Variants in SGPP2 observed in about 807,000 individuals in gnomAD.
The protein encoded by SGPP2 is sphingosine-1-phosphate phosphatase 2, also known as sphingosine 1-phosphate phosphohydrolase 2.
Under a neutral mutation model 33.9 loss-of-function variants are expected in SGPP2, and 30 were observed. The ratio of observed to expected loss-of-function variants is 0.89; its 90% CI spans 0.66 to 1.20. SGPP2 has a LOEUF of 1.20. Among genes scored for constraint, SGPP2 ranks in the 50% most tolerant of loss-of-function variants. The pLI is 0.00. For missense variants in SGPP2, 458 were observed against 532.1 expected (o/e 0.86, Z 1.37); for synonymous variants, 233 against 225.0 (o/e 1.04, Z -0.32).
chr2:222,431,095 TA>T (rs1449689308), intron 1 of SGPP2, among the ~76,000 whole-genome samples: 1 of 152,096 alleles, frequency 6.6e-6, no homozygotes, highest in Admixed American at 6.5e-5. Flanking sequence ...ATGTTAATCA[TA>T]GGGGTACCTG....
intron 4 of SGPP2, among the ~76,000 whole-genome samples, chr2:222,532,573 G>A (rs1275639501): frequency 6.6e-6 from 1 of 152,076 alleles, no homozygotes; most frequent in Non-Finnish European, 1.5e-5. Context: ...TGCCTACCAA[G>A]ACACCCAAGC....
At chr2:222,498,720 G>A (rs571775470) in intron 2 of SGPP2, among the ~76,000 whole-genome samples, 3 of 152,260 alleles carry the variant, frequency 2.0e-5, no homozygotes, top group South Asian at 2.1e-4. Context: ...TGCAGGCAGG[G>A]TATAAAGTTG....
chr2:222,427,348 C>T (rs1296090326), intron 1 of SGPP2, among the ~76,000 whole-genome samples: 4 of 152,194 alleles, frequency 2.6e-5, no homozygotes, highest in African/African-American at 9.7e-5. Flanking sequence ...GCATCTTCCA[C>T]ATCCTGGACT....
intron 2 of SGPP2, among the ~76,000 whole-genome samples, chr2:222,519,648 A>AAG (rs563675712): frequency 2.0e-4 from 30 of 152,156 alleles, no homozygotes; most frequent in Non-Finnish European, 4.0e-4. Context: ...AGCATAATAA[A>AAG]CAATAGTTTT....
Position 222,477,103 on chromosome 2 carries a change from A to G in SGPP2, c.378+2377A>G, listed in dbSNP as rs988355417. ...TGTATATATTTGTGAATGTATGTAT[A>G]TAGGTGTGTATATATGTGTATGTGT... On this transcript the variant is annotated intron_variant, in intron 2 of 4. Coordinates refer to ENST00000321276, the MANE Select transcript of SGPP2 (RefSeq NM_152386.4). The surrounding 1 kb of genome is among the most constrained non-coding windows in gnomAD (Gnocchi z 6.0). 2.6e-5 allele frequency among the ~76,000 whole-genome samples: 4 copies of G among 151,394 alleles called. No homozygotes were observed. Among genetic ancestry groups the G allele is most frequent in the African/African-American group, 9.7e-5 (4 of 41,148 alleles).
intron 4 of SGPP2, among the ~76,000 whole-genome samples, chr2:222,540,817 GTTT>G (rs750932260): frequency 2.8e-5 from 3 of 108,424 alleles, no homozygotes; most frequent in African/African-American, 7.3e-5. Context: ...CTTATAAACT[GTTT>G]TTTTTTTTTT....
At chr2:222,545,283 C>CTTT (rs544252205) in intron 4 of SGPP2, among the ~76,000 whole-genome samples, 2 of 135,986 alleles carry the variant, frequency 1.5e-5, no homozygotes, top group African/African-American at 5.3e-5. Context: ...GAGCTTATGG[C>CTTT]TTTTTTTTTT....
intron 4 of SGPP2, among the ~76,000 whole-genome samples, chr2:222,530,186 T>C (rs1698817964): frequency 6.6e-6 from 1 of 152,224 alleles, no homozygotes; most frequent in South Asian, 2.1e-4. Flanking sequence ...AGAGTAGATT[T>C]AGCATAATTC....
intron 1 of SGPP2, among the ~76,000 whole-genome samples, chr2:222,469,272 C>T (rs563337715): frequency 4.6e-5 from 7 of 152,302 alleles, no homozygotes; most frequent in Admixed American, 4.6e-4. Context: ...CAACCTCCGC[C>T]CCTCCAGGTT....
intron 4 of SGPP2, among the ~76,000 whole-genome samples, chr2:222,547,432 GA>G (rs979551920): frequency 6.6e-6 from 1 of 152,140 alleles, no homozygotes; most frequent in Non-Finnish European, 1.5e-5. Context: ...TATGGGTGGG[GA>G]AATTTTGTCT....
At position 222,525,458 on chromosome 2, in the gene SGPP2, C is replaced by A. The variant is rs568952792; in HGVS notation, c.648+425C>A. Among the ~76,000 whole-genome samples, 54 of 152,294 alleles carry A rather than the reference C, an allele frequency of 3.5e-4. No individual in the cohort carries two copies. The South Asian group carries it at 0.011, about 30-fold the overall frequency. On this transcript the variant is annotated intron_variant, in intron 4 of 4. Transcript: ENST00000321276. Reference sequence around the variant, plus strand: ...GTGCCCTTGCAAGGTAAGGGTCCCACCAGGTCAGAGGAGCCCGGTATCACG... The same window carrying A: ...GTGCCCTTGCAAGGTAAGGGTCCCAACAGGTCAGAGGAGCCCGGTATCACG...
At chr2:222,433,957 T>C (rs1337253073) in intron 1 of SGPP2, among the ~76,000 whole-genome samples, 3 of 152,244 alleles carry the variant, frequency 2.0e-5, no homozygotes. Context: ...ATTTGCATTT[T>C]TCAAAAAGCA....
intron 2 of SGPP2, among the ~76,000 whole-genome samples, chr2:222,484,715 C>T (rs1187038375): frequency 6.6e-6 from 1 of 152,160 alleles, no homozygotes; most frequent in African/African-American, 2.4e-5. Context: ...TGTGGCTAAA[C>T]CTGATTCCTC....
At chr2:222,431,971 A>T (rs1164348893) in intron 1 of SGPP2, among the ~76,000 whole-genome samples, 2 of 152,250 alleles carry the variant, frequency 1.3e-5, no homozygotes, top group Non-Finnish European at 2.9e-5. Context: ...CGCAGGTTGC[A>T]TGAAGAAATT....
In SGPP2 at chr2:222,476,215, A is replaced by G. The variant is rs568722036; in HGVS notation, c.378+1489A>G. Among the ~76,000 whole-genome samples, 1 of 152,306 alleles carries G rather than the reference A, an allele frequency of 6.6e-6. No homozygotes were observed. The highest frequency in any genetic ancestry group is 2.1e-4 in the South Asian group (1 of 4,826). On this transcript the variant is annotated intron_variant, in intron 2 of 4. Coordinates refer to ENST00000321276, the MANE Select transcript of SGPP2 (RefSeq NM_152386.4). This position sits in a 1 kb window ranked among gnomAD's most constrained non-coding sequence, Gnocchi z 4.3. Reference sequence around the variant, plus strand: ...GTGAGCATTATGTTTTCTCATTTGTAGAACAAGTAGAATGGACTTGATCAG... The same window carrying G: ...GTGAGCATTATGTTTTCTCATTTGTGGAACAAGTAGAATGGACTTGATCAG...
At chr2:222,553,297 T>C (rs924299267) in intron 4 of SGPP2, among the ~76,000 whole-genome samples, 1 of 152,216 alleles carries the variant, frequency 6.6e-6, no homozygotes, top group Admixed American at 6.5e-5. Context: ...GATTAAAGTG[T>C]GCTGTACATA....
intron 2 of SGPP2, among the ~76,000 whole-genome samples, chr2:222,493,770 G>A (rs572394495): frequency 2.6e-4 from 39 of 152,204 alleles, no homozygotes; most frequent in African/African-American, 7.5e-4. Flanking sequence ...TTACTTCATC[G>A]TACTGTTAGG....
chr2:222,479,819 A>G (rs1385707398), intron 2 of SGPP2, among the ~76,000 whole-genome samples: 2 of 132,052 alleles, frequency 1.5e-5, no homozygotes, highest in Non-Finnish European at 3.2e-5. Flanking sequence ...GATTTTTCAC[A>G]CACAAAAATT....
intron 1 of SGPP2, among the ~76,000 whole-genome samples, chr2:222,470,598 TG>T (rs1258123443): frequency 5.4e-5 from 8 of 149,356 alleles, no homozygotes; most frequent in Non-Finnish European, 1.2e-4. Flanking sequence ...TCACTTTTGG[TG>T]GTCTTTTCAA....
Sources: allele counts gnomAD v4.1 joint callset (sites outside exome capture counted in the v4.1 genomes callset), GRCh38; gene constraint gnomAD v4.1.1; non-coding constraint Gnocchi (gnomAD v3.1); transcripts MANE v1.5; gene names NCBI Gene and HGNC (gene_info 2026-07-23, HGNC 2026-07-21).